RBFOX1: variants seen among roughly 807,000 people sequenced by gnomAD.
The protein encoded by RBFOX1 is RNA binding fox-1 homolog 1.
RBFOX1 carries 8 observed loss-of-function variants against 57.7 expected under a neutral mutation model. The ratio of observed to expected loss-of-function variants is 0.14; its 90% CI spans 0.08 to 0.25. The LOEUF is 0.25. Ranked by LOEUF, RBFOX1 falls within the 10% of genes least tolerant of loss-of-function variation. The probability of loss-of-function intolerance (pLI) is 1.00; values close to 1 mark genes in which losing one functional copy is unlikely to be tolerated. For missense variants in RBFOX1, 611 were observed against 548.5 expected, an observed-to-expected ratio of 1.11 and a Z score of -1.14; for synonymous variants, 326 against 222.4, an observed-to-expected ratio of 1.47 and a Z score of -4.15.
rs972728372 is a variant in RBFOX1, at chr16:6,428,155, G to A, written c.-64+111098G>A. On this transcript the variant is annotated intron_variant, in intron 2 of 15. Transcript: ENST00000550418. ...AAAACACTTAGCCAAGTGTGCTGGT[G>A]TATGCCTGTAGTTCCAGCTACTTGG... Among the ~76,000 whole-genome samples the A allele has an allele frequency of 1.5e-4, 23 of 151,816 alleles. 1 individual carries two copies. The highest frequency in any genetic ancestry group is 1.5e-3 in the Admixed American group (23 of 15,212).
intron 3 of RBFOX1, among the ~76,000 whole-genome samples, chr16:6,865,871 G>C (rs2059824929): frequency 6.6e-6 from 1 of 152,022 alleles, no homozygotes; most frequent in African/African-American, 2.4e-5. Context: ...ATTTCTTCCT[G>C]ACAAGTCTTT....
chr16:6,835,564 C>G (rs113366107), intron 3 of RBFOX1, among the ~76,000 whole-genome samples: 10,226 of 151,568 alleles, frequency 0.067, 511 homozygotes, highest in Non-Finnish European at 0.11. Context: ...CCAGCCTGGT[C>G]AACATGGTAA....
chr16:5,967,113 C>A (rs1001760947), intron 4 of RBFOX1, among the ~76,000 whole-genome samples: 1 of 150,478 alleles, frequency 6.6e-6, no homozygotes, highest in Non-Finnish European at 1.5e-5. Flanking sequence ...TTCGAGTTAA[C>A]AACAGCAGAG....
chr16:6,766,071 A>T (rs1249750634), intron 3 of RBFOX1, among the ~76,000 whole-genome samples: 1 of 152,128 alleles, frequency 6.6e-6, no homozygotes, highest in Non-Finnish European at 1.5e-5. Flanking sequence ...CCTAGATTTC[A>T]ACACTATGCA....
intron 11 of RBFOX1, among the ~76,000 whole-genome samples, chr16:7,637,216 T>A (rs28593145): frequency 6.7e-6 from 1 of 149,584 alleles, no homozygotes; most frequent in South Asian, 2.1e-4. Flanking sequence ...CTAAAGTTAA[T>A]AGAAGATTAA....
chr16:5,285,494 T>C (rs1183588121), intron 1 of RBFOX1, among the ~76,000 whole-genome samples: 1 of 152,240 alleles, frequency 6.6e-6, no homozygotes, highest in Non-Finnish European at 1.5e-5. Context: ...AGAATTATTG[T>C]GCTTCTTTGG....
intron 4 of RBFOX1, among the ~76,000 whole-genome samples, chr16:7,093,580 C>T (rs2061215611): frequency 6.6e-6 from 1 of 152,158 alleles, no homozygotes; most frequent in African/African-American, 2.4e-5. Flanking sequence ...ACATCTCAAA[C>T]TTCTCGTTGA....
At chr16:5,830,741 G>T (rs143820926) in intron 3 of RBFOX1, among the ~76,000 whole-genome samples, 59 of 152,330 alleles carry the variant, frequency 3.9e-4, no homozygotes, top group African/African-American at 1.3e-3. Context: ...CACCATTGCA[G>T]TGTGCCTGCT....
rs116742504 is a variant in RBFOX1, at chr16:5,757,948, C to G, written c.319-109355C>G. Reference sequence around the variant, plus strand: ...CTGGTCATCACCACTGTAGCTGACCCTGACTCACTGTGAAGTTCTGTACTG... The same window carrying G: ...CTGGTCATCACCACTGTAGCTGACCGTGACTCACTGTGAAGTTCTGTACTG... On this transcript the variant is annotated intron_variant, in intron 3 of 19. Transcript: ENST00000641259. Among the ~76,000 whole-genome samples the G allele has an allele frequency of 1.8e-3, 274 of 152,320 alleles. 2 individuals carry two copies. The highest frequency in any genetic ancestry group is 6.1e-3 in the African/African-American group (254 of 41,574).
intron 3 of RBFOX1, among the ~76,000 whole-genome samples, chr16:7,015,880 C>T (rs188240925): frequency 1.3e-5 from 2 of 151,726 alleles, no homozygotes; most frequent in Non-Finnish European, 2.9e-5. Flanking sequence ...TTAATTACAT[C>T]TATAGAGGTA....
intron 2 of RBFOX1, among the ~76,000 whole-genome samples, chr16:6,546,623 CCTT>C (rs1163559389): frequency 6.6e-6 from 1 of 152,176 alleles, no homozygotes; most frequent in Non-Finnish European, 1.5e-5. Flanking sequence ...CCACATTTCT[CCTT>C]CTTATAAGGA....
At chr16:7,068,388 C>T (rs112928424) in intron 4 of RBFOX1, among the ~76,000 whole-genome samples, 1 of 152,056 alleles carries the variant, frequency 6.6e-6, no homozygotes. Flanking sequence ...AGTCAGAGAC[C>T]AGAGCATTCA....
Position 6,645,137 on chromosome 16 carries a change from AC to A in RBFOX1, c.-63-9464del, listed in dbSNP as rs568599073. The stretch of plus-strand genomic sequence containing the variant: ...TTGTAGCAGCATCTCTCTAATCCCC[AC>A]CTGTCTTCACATGGCTTTCTCTTCT... On this transcript the variant is annotated intron_variant, in intron 2 of 15. Coordinates refer to ENST00000550418, the MANE Select transcript of RBFOX1 (RefSeq NM_018723.4). Among the ~76,000 whole-genome samples the A allele has an allele frequency of 2.0e-5, 3 of 152,110 alleles. No homozygotes were observed. The South Asian group carries it at 6.2e-4, about 32-fold the overall frequency.
intron 12 of RBFOX1, among the ~76,000 whole-genome samples, chr16:7,654,483 G>A (rs997179696): frequency 2.6e-5 from 4 of 152,172 alleles, no homozygotes; most frequent in African/African-American, 7.2e-5. Context: ...GTTAAGATGC[G>A]TTGCAGTTGC....
chr16:7,681,728 T>C (rs1045491145), intron 14 of RBFOX1, among the ~76,000 whole-genome samples: 1 of 152,132 alleles, frequency 6.6e-6, no homozygotes, highest in African/African-American at 2.4e-5. Flanking sequence ...CATTTTTTTT[T>C]TCCCATGGGA....
intron 4 of RBFOX1, among the ~76,000 whole-genome samples, chr16:7,080,014 A>G (rs529102413): frequency 7.2e-6 from 1 of 139,608 alleles, no homozygotes; most frequent in African/African-American, 2.7e-5. Flanking sequence ...ATATATATAC[A>G]TATATATACG....
chr16:7,699,446 C>A (rs1598404543), intron 14 of RBFOX1, among the ~76,000 whole-genome samples: 1 of 152,158 alleles, frequency 6.6e-6, no homozygotes, highest in Admixed American at 6.6e-5. Flanking sequence ...GCCCCTTTGG[C>A]CTACCAAAGT....
intron 2 of RBFOX1, among the ~76,000 whole-genome samples, chr16:5,592,485 C>G (rs1021233167): frequency 6.6e-6 from 1 of 150,582 alleles, no homozygotes; most frequent in South Asian, 2.1e-4. Flanking sequence ...GGCACGATTT[C>G]GGCTCACTGC....
At chr16:6,687,047 G>T (rs2059537331) in intron 3 of RBFOX1, among the ~76,000 whole-genome samples, 2 of 152,168 alleles carry the variant, frequency 1.3e-5, no homozygotes, top group African/African-American at 4.8e-5. Flanking sequence ...TCTTTGCAGT[G>T]TTAAAAACAG....
Sources: gnomAD v4.1 joint callset for allele counts (sites outside exome capture counted in the v4.1 genomes callset) on GRCh38, gnomAD v4.1.1 for gene constraint, MANE v1.5 for transcripts, NCBI Gene and HGNC (gene_info 2026-07-23, HGNC 2026-07-21) for gene names.